HLA-C: variants seen among roughly 807,000 people sequenced by gnomAD.
The protein encoded by HLA-C is HLA class I histocompatibility antigen, C alpha chain.
A neutral mutation model predicts 36.9 loss-of-function variants in HLA-C; 15 were observed. That is an observed-to-expected ratio of 0.41 (90% CI 0.27 to 0.63). The LOEUF is 0.63. Ranked by LOEUF, HLA-C falls within the 20% of genes least tolerant of loss-of-function variation. The pLI, the probability that HLA-C is intolerant of heterozygous loss-of-function variation, is 0.35. For missense variants in HLA-C, 272 were observed against 400.4 expected, an observed-to-expected ratio of 0.68 and a Z score of 2.74; for synonymous variants, 104 against 174.3, an observed-to-expected ratio of 0.60 and a Z score of 3.18.
At chr6:31,269,114 C>T in exon 8 of HLA-C, 1 of 1,357,714 alleles carries the variant, frequency 7.4e-7, no homozygotes, top group Non-Finnish European at 1.0e-6. Flanking sequence ...CTCTTGAAGT[C>T]ACAAAGGAGA....
chr6:31,269,141 G>C, exon 8 of HLA-C: 1 of 1,488,934 alleles, frequency 6.7e-7, no homozygotes, highest in Non-Finnish European at 9.1e-7. Flanking sequence ...AAGAAATCCT[G>C]CATCTCAGTC....
At chr6:31,270,911 G>C (rs909340394) in intron 3 of HLA-C, among the ~76,000 whole-genome samples, 162 bp downstream of exon 3, 5 of 65,840 alleles carry the variant, frequency 7.6e-5, no homozygotes, top group Admixed American at 1.7e-4. Context: ...TTGTCCTAGA[G>C]AGCAGAGGGG....
At chr6:31,269,205 G>A (rs1293402355) in intron 7 of HLA-C, 32 bp from the exon 8 acceptor site, 6 of 1,344,820 alleles carry the variant, frequency 4.5e-6, no homozygotes, top group Non-Finnish European at 5.0e-6. Flanking sequence ...AACAAATTCA[G>A]GTCAGTCATG....
rs748394002 is a variant in HLA-C at position 31,271,334 on chromosome 6, G to GCC, written c.357_358insGG (p.Gln120GlyfsTer32). ...CCCAGGTCGCAGCCAGACATCCTCTGGAGGGTGTGAGACCCTGGCCCCGCC... is the reference window on the plus strand; with the variant it reads ...CCCAGGTCGCAGCCAGACATCCTCTGCCGAGGGTGTGAGACCCTGGCCCCGCC... On this transcript the variant is annotated frameshift_variant, in exon 3 of 8. Coordinates refer to ENST00000376228, the Ensembl canonical transcript of HLA-C. LOFTEE classifies it high-confidence loss of function. The GCC allele has an allele frequency of 1.1e-4, 109 of 1,002,632 alleles. No individual in the cohort carries two copies. The highest frequency in any genetic ancestry group is 7.4e-4 in the Middle Eastern group (2 of 2,716). 62.1% of individuals were successfully genotyped at this position (1,002,632 alleles called of 1,614,324 possible). A position where few individuals can be genotyped will look rare whatever the true frequency, so the allele number is the denominator to read the frequency against.
rs1326070272 is a variant in HLA-C, at chr6:31,270,993, C to T, written c.619+80G>A. The T allele has an allele frequency of 1.4e-4, 114 of 789,384 alleles. 6 individuals are homozygous for T. The Middle Eastern group carries it at 2.4e-3, about 17-fold the overall frequency. 48.9% of individuals were successfully genotyped at this position (789,384 alleles called of 1,614,324 possible). Reference sequence around the variant, plus strand: ...GGAGGGCGATATTCCAGTGCTGATCCCATTTTCCTCCCCTCCTCGTGGGAG... The same window carrying T: ...GGAGGGCGATATTCCAGTGCTGATCTCATTTTCCTCCCCTCCTCGTGGGAG... On this transcript the variant is annotated intron_variant, in intron 3 of 7. Transcript: ENST00000376228.
Position 31,271,383 on chromosome 6 carries a change from A to AGCCCC in HLA-C, c.344-40_344-36dup, listed in dbSNP as rs768414447. ...CCCCCGCGGTCAGCCCAGTCCCCCG[A>AGCCCC]GCCCCGCCCCGCCCCGACCAACCCG... On this transcript the variant is annotated intron_variant, in intron 2 of 7. Coordinates refer to ENST00000376228, the Ensembl canonical transcript of HLA-C. The AGCCCC allele has an allele frequency of 3.5e-6, 3 of 862,918 alleles. 1 individual carries two copies. The highest frequency in any genetic ancestry group is 7.2e-5 in the African/African-American group (2 of 27,622). The allele number at this position is 862,918 out of a possible 1,614,324, so 53.5% of individuals were successfully genotyped here. A position where few individuals can be genotyped will look rare whatever the true frequency, so the allele number is the denominator to read the frequency against.
At position 31,269,584 on chromosome 6, in the gene HLA-C, G is replaced by C. The variant is rs776913998; in HGVS notation, c.1016-59C>G. 8 of 661,674 alleles carry C rather than the reference G, an allele frequency of 1.2e-5. 2 individuals are homozygous for C. In the African/African-American group the frequency reaches 1.8e-4, roughly 15 times the overall value. The allele number at this position is 661,674 out of a possible 1,614,324, so 41.0% of individuals were successfully genotyped here. A position where few individuals can be genotyped will look rare whatever the true frequency, so the allele number is the denominator to read the frequency against. The stretch of plus-strand genomic sequence containing the variant: ...GAGGAGGCAGGGCCATGTGATCTTA[G>C]GGGAACCTCCTAGTCTTGGACCCAA... On this transcript the variant is annotated intron_variant, in intron 5 of 7. Coordinates refer to ENST00000376228, the Ensembl canonical transcript of HLA-C.
At position 31,270,704 on chromosome 6, in the gene HLA-C, AGT is replaced by A; in HGVS notation, c.620-221_620-220del. ...AACAGCGACTTCTGGTCCTGACCTG[AGT>A]GGAGGCTGCAGGACTCAGAAAAGCT... On this transcript the variant is annotated intron_variant, in intron 3 of 7. Transcript: ENST00000376228. The A allele has an allele frequency of 5.0e-6, 2 of 397,412 alleles. 1 individual carries two copies. Among genetic ancestry groups the A allele is most frequent in the South Asian group, 5.3e-5 (2 of 38,064 alleles). The allele number at this position is 397,412 out of a possible 1,614,324, so 24.6% of individuals were successfully genotyped here.
exon 3 of HLA-C, chr6:31,271,337 G>A (rs1071649): frequency 0.035 from 34,633 of 978,512 alleles, 10,576 homozygotes; most frequent in Non-Finnish European, 0.038. Context: ...ATCCTCTGGA[G>A]GGTGTGAGAC....
At position 31,271,920 on chromosome 6, in the gene HLA-C, C is replaced by T. The variant is rs281860317; in HGVS notation, c.74-52G>A. The stretch of plus-strand genomic sequence containing the variant: ...GCCCGACCCACCTCCCTGCGCGGCT[C>T]CCCGGGTCCTGCGCCCTCGCCGGGA... On this transcript the variant is annotated intron_variant, in intron 1 of 7. Coordinates refer to ENST00000376228, the Ensembl canonical transcript of HLA-C. The T allele has an allele frequency of 1.5e-3, 1,778 of 1,157,604 alleles. 25 individuals carry two copies. Among genetic ancestry groups the T allele is most frequent in the Non-Finnish European group, 1.7e-3 (1,468 of 875,520 alleles). The allele number at this position is 1,157,604 out of a possible 1,614,324, so 71.7% of individuals were successfully genotyped here.
At chr6:31,269,451 G>C in intron 6 of HLA-C, 42 bp downstream of exon 6, 1 of 869,672 alleles carries the variant, frequency 1.1e-6, no homozygotes, top group Non-Finnish European at 1.5e-6. Context: ...GAGGAATTAT[G>C]GAGTAGGTGA....
At position 31,269,490 on chromosome 6, in the gene HLA-C, TA is replaced by T; in HGVS notation, c.1048+2del. On this transcript the variant is annotated splice_donor_variant, in intron 6 of 7. Transcript: ENST00000376228. LOFTEE classifies it high-confidence loss of function. Reference sequence around the variant, plus strand: ...CCTCCACACGCCCGCCGCCATCACTTACACGCAGCCTGAGAGCAGCTCCCTC... The same window carrying T: ...CCTCCACACGCCCGCCGCCATCACTTCACGCAGCCTGAGAGCAGCTCCCTC... The T allele has an allele frequency of 2.2e-6, 2 of 905,124 alleles. No individual in the cohort carries two copies. The highest frequency in any genetic ancestry group is 2.8e-6 in the Non-Finnish European group (2 of 711,266). 56.1% of individuals were successfully genotyped at this position (905,124 alleles called of 1,614,324 possible).
exon 3 of HLA-C, chr6:31,271,294 A>C: frequency 8.6e-7 from 1 of 1,158,072 alleles, no homozygotes; most frequent in South Asian, 1.4e-5. Flanking sequence ...CCCGCGGAGG[A>C]GGCGCCCGTC....
intron 1 of HLA-C, 53 bp from the exon 2 acceptor site, chr6:31,271,921 C>G (rs757353499): frequency 8.6e-7 from 1 of 1,164,606 alleles, no homozygotes; most frequent in Non-Finnish European, 1.1e-6. Flanking sequence ...TGCGCGGCTC[C>G]CCGGGTCCTG....
At position 31,271,154 on chromosome 6, in the gene HLA-C, G is replaced by GTC. The variant is rs779505818; in HGVS notation, c.537_538insGA (p.Leu180AspfsTer2). The GTC allele has an allele frequency of 0.035, 34,648 of 998,882 alleles. 10,253 individuals are homozygous for GTC. Among genetic ancestry groups the GTC allele is most frequent in the Non-Finnish European group, 0.036 (27,486 of 764,996 alleles). The allele number at this position is 998,882 out of a possible 1,614,324, so 61.9% of individuals were successfully genotyped here. ...CACGTGCCCTCCAGGTAGGCTCTCA[G>GTC]CTGCTCCGCCGCACGGGCCGCCTCC... On this transcript the variant is annotated frameshift_variant, in exon 3 of 8. Transcript: ENST00000376228. LOFTEE classifies it high-confidence loss of function.
exon 8 of HLA-C, chr6:31,268,862 G>C (rs1071643): frequency 0.028 from 6,000 of 213,182 alleles, 1,061 homozygotes; most frequent in East Asian, 0.14. Context: ...TTATATTCAG[G>C]TTCTTAACTT....
chr6:31,271,502 T>G lies in HLA-C; in HGVS notation c.343+97A>C, dbSNP rs9264665. 16 of 676,972 alleles carry G rather than the reference T, an allele frequency of 2.4e-5. No individual in the cohort carries two copies. The highest frequency in any genetic ancestry group is 4.7e-5 in the African/African-American group (1 of 21,110). 41.9% of individuals were successfully genotyped at this position (676,972 alleles called of 1,614,324 possible). On this transcript the variant is annotated intron_variant, in intron 2 of 7. Coordinates refer to ENST00000376228, the Ensembl canonical transcript of HLA-C. ...CTGGGCGGGTTCCGCAGATCCACCT[T>G]GGGGTGGATCTCAGACGGGGAGACT...
chr6:31,270,667 C>T (rs1181632417), intron 3 of HLA-C, 182 bp from the exon 4 acceptor site: 2 of 470,868 alleles, frequency 4.2e-6, no homozygotes, highest in Non-Finnish European at 6.9e-6. Context: ...AAGTTCTAGT[C>T]TCTGAGGGAG....
exon 3 of HLA-C, chr6:31,271,286 C>A: frequency 8.5e-7 from 1 of 1,172,812 alleles, no homozygotes; most frequent in South Asian, 1.3e-5. Flanking sequence ...TGGTCATACC[C>A]GCGGAGGAGG....
Sources: allele counts gnomAD v4.1 joint callset (sites outside exome capture counted in the v4.1 genomes callset), GRCh38; gene constraint gnomAD v4.1.1; transcripts MANE v1.5; gene names NCBI Gene and HGNC (gene_info 2026-07-23, HGNC 2026-07-21).